INPP4B: variants seen among roughly 807,000 people sequenced by gnomAD.
INPP4B encodes inositol polyphosphate-4-phosphatase type II B, also known as inositol polyphosphate 4-phosphatase type II.
Under a neutral mutation model 122.5 loss-of-function variants are expected in INPP4B, and 55 were observed. The observed-to-expected ratio is 0.45, with a 90% confidence interval of 0.36 to 0.56. The LOEUF (loss-of-function observed/expected upper bound fraction) is 0.56. INPP4B is among the 20% of genes least tolerant of loss of function. INPP4B has a pLI of 0.00. For missense variants in INPP4B, 1,000 were observed against 1,097.7 expected (o/e 0.91, Z 1.26); for synonymous variants, 403 against 388.7 (o/e 1.04, Z -0.43).
At chr4:142,077,013 C>T (rs1024623448) in intron 25 of INPP4B, among the ~76,000 whole-genome samples, 9 of 152,082 alleles carry the variant, frequency 5.9e-5, no homozygotes, top group Non-Finnish European at 1.2e-4. Context: ...CTTTTACTGA[C>T]ATCAATTGGT....
At chr4:142,519,757 T>C (rs1452279190) in intron 2 of INPP4B, among the ~76,000 whole-genome samples, 2 of 152,148 alleles carry the variant, frequency 1.3e-5, no homozygotes, top group East Asian at 3.9e-4. Context: ...TTACATAAAA[T>C]TAATTTATCA....
intron 2 of INPP4B, among the ~76,000 whole-genome samples, chr4:142,680,385 A>G (rs1758449288): frequency 6.6e-6 from 1 of 151,862 alleles, no homozygotes; most frequent in Non-Finnish European, 1.5e-5. Flanking sequence ...CACTTCAGCT[A>G]ACATTATAAT....
intron 1 of INPP4B, among the ~76,000 whole-genome samples, chr4:142,754,795 A>G (rs1271855155): frequency 6.6e-6 from 1 of 152,006 alleles, no homozygotes. Context: ...GTCAGATAAA[A>G]TTGCTTAATG....
chr4:142,468,453 G>C (rs566696765), intron 2 of INPP4B, among the ~76,000 whole-genome samples: 8 of 152,162 alleles, frequency 5.3e-5, no homozygotes, highest in Non-Finnish European at 1.2e-4. Context: ...TGATTCGGAC[G>C]TTAGCTCCTC....
chr4:142,595,871 A>T (rs1266556063), intron 2 of INPP4B, among the ~76,000 whole-genome samples: 1 of 151,716 alleles, frequency 6.6e-6, no homozygotes, highest in African/African-American at 2.4e-5. Flanking sequence ...ATTTATTTTT[A>T]TTTTTTGAGA....
chr4:142,114,574 C>T (rs890194002), intron 21 of INPP4B, among the ~76,000 whole-genome samples: 7 of 152,028 alleles, frequency 4.6e-5, no homozygotes, highest in East Asian at 1.9e-4. Flanking sequence ...TTTGGTGAAA[C>T]GGCTATTCAA....
chr4:142,629,376 T>C (rs1312940248), intron 2 of INPP4B, among the ~76,000 whole-genome samples: 2 of 152,158 alleles, frequency 1.3e-5, no homozygotes, highest in East Asian at 3.9e-4. Context: ...TTGATCATAG[T>C]TTGGTATAAG....
At chr4:142,759,719 G>T in intron 1 of INPP4B, among the ~76,000 whole-genome samples, 1 of 148,362 alleles carries the variant, frequency 6.7e-6, no homozygotes, top group Non-Finnish European at 1.5e-5. Context: ...TAAATGAATG[G>T]AGCAAACATA....
intron 1 of INPP4B, among the ~76,000 whole-genome samples, chr4:142,830,850 C>CAAAAAA (rs70949194): frequency 1.1e-5 from 1 of 91,484 alleles, no homozygotes; most frequent in Non-Finnish European, 2.3e-5. Flanking sequence ...GCTGTCTCTA[C>CAAAAAA]AAAAAAAAAA....
chr4:142,071,007 A>C (rs937054004), intron 25 of INPP4B, among the ~76,000 whole-genome samples: 1 of 152,220 alleles, frequency 6.6e-6, no homozygotes, highest in African/African-American at 2.4e-5. Context: ...ATATAGAACC[A>C]AATAAGAGCC....
chr4:142,354,700 A>G (rs1783002549), intron 7 of INPP4B, among the ~76,000 whole-genome samples: 1 of 151,994 alleles, frequency 6.6e-6, no homozygotes, highest in Non-Finnish European at 1.5e-5. Flanking sequence ...CTTTCATTGG[A>G]ATGACCTTTA....
chr4:142,208,178 A>G (rs977351536), intron 14 of INPP4B, among the ~76,000 whole-genome samples: 7 of 152,184 alleles, frequency 4.6e-5, no homozygotes, highest in African/African-American at 1.4e-4. Flanking sequence ...TAAGGGTGCT[A>G]TTACTCAGTT....
At chr4:142,835,951 G>A (rs1782718971) in intron 1 of INPP4B, among the ~76,000 whole-genome samples, 1 of 152,096 alleles carries the variant, frequency 6.6e-6, no homozygotes, top group South Asian at 2.1e-4. Context: ...GGGGTGCTAT[G>A]GGGCATAGGG....
chr4:142,707,863 A>G (rs1454745177), intron 2 of INPP4B, among the ~76,000 whole-genome samples: 1 of 152,252 alleles, frequency 6.6e-6, no homozygotes, highest in Non-Finnish European at 1.5e-5. Flanking sequence ...AGGTTGGAAC[A>G]GTTTAGAGGG....
chr4:142,789,609 C>T (rs1776249809), intron 1 of INPP4B, among the ~76,000 whole-genome samples: 1 of 152,024 alleles, frequency 6.6e-6, no homozygotes, highest in Admixed American at 6.6e-5. Flanking sequence ...AATGGAAACA[C>T]ATTCCATGCT....
intron 3 of INPP4B, among the ~76,000 whole-genome samples, chr4:142,460,041 T>G (rs1485975877): frequency 6.6e-6 from 1 of 152,220 alleles, no homozygotes; most frequent in Admixed American, 6.5e-5. Flanking sequence ...AAAGTTAGCC[T>G]CCTTGCTTTT....
chr4:142,263,606 G>A (rs183690677), intron 10 of INPP4B, among the ~76,000 whole-genome samples: 46 of 125,336 alleles, frequency 3.7e-4, no homozygotes, highest in Non-Finnish European at 6.2e-4. Context: ...ATATTAGTGA[G>A]GAAAATAGAC....
chr4:142,639,796 C>T (rs1232730564), intron 2 of INPP4B, among the ~76,000 whole-genome samples: 1 of 152,052 alleles, frequency 6.6e-6, no homozygotes, highest in Non-Finnish European at 1.5e-5. Flanking sequence ...GTATTATTAG[C>T]ATTGTGACAG....
chr4:142,247,471 A>G (rs1157004245), intron 11 of INPP4B, among the ~76,000 whole-genome samples: 1 of 151,982 alleles, frequency 6.6e-6, no homozygotes, highest in Non-Finnish European at 1.5e-5. Context: ...CAATTTCAAA[A>G]CTTGTTATTG....
Sources: gnomAD v4.1 joint callset for allele counts (sites outside exome capture counted in the v4.1 genomes callset) on GRCh38, gnomAD v4.1.1 for gene constraint, MANE v1.5 for transcripts, NCBI Gene and HGNC (gene_info 2026-07-23, HGNC 2026-07-21) for gene names.